The following C3orf33 variants were observed in gnomAD, a reference collection of about 807,000 sequenced individuals.
C3orf33 encodes mitochondrial inner membrane subdomain organizer 1, also known as AP-1 activity suppressor.
Under a neutral mutation model 28.7 loss-of-function variants are expected in C3orf33, and 23 were observed. That is an observed-to-expected ratio of 0.80 (90% CI 0.58 to 1.13). The LOEUF (loss-of-function observed/expected upper bound fraction) is 1.13. Ranked by LOEUF, C3orf33 falls within the 50% of genes most tolerant of loss-of-function variation. The pLI is 0.00. For missense variants in C3orf33, 327 were observed against 353.4 expected, an observed-to-expected ratio of 0.93 and a Z score of 0.60; for synonymous variants, 119 against 120.5, an observed-to-expected ratio of 0.99 and a Z score of 0.08.
At chr3:155,773,084 T>C (rs948291669) in intron 3 of C3orf33, among the ~76,000 whole-genome samples, 7 of 152,104 alleles carry the variant, frequency 4.6e-5, no homozygotes, top group Admixed American at 2.6e-4. Context: ...TCCTCAGAAA[T>C]AGAATAAACA....
chr3:155,788,596 T>TGCTCA (rs1379711143), intron 2 of C3orf33, among the ~76,000 whole-genome samples: 10 of 151,580 alleles, frequency 6.6e-5, no homozygotes, highest in African/African-American at 2.4e-4. Context: ...GCAGGAGAAT[T>TGCTCA]GCTTGAACCC....
chr3:155,805,812 C>T, intron 1 of C3orf33: 1 of 492,640 alleles, frequency 2.0e-6, no homozygotes, highest in Non-Finnish European at 3.8e-6. Flanking sequence ...GGTCTCCTCT[C>T]TGGGCCCTCC....
intron 2 of C3orf33, among the ~76,000 whole-genome samples, chr3:155,801,998 C>T (rs1751664243): frequency 6.6e-6 from 1 of 152,092 alleles, no homozygotes; most frequent in Non-Finnish European, 1.5e-5. Context: ...GTGATCCACT[C>T]GCCTCAGCCT....
At chr3:155,779,989 G>A (rs886962484) in intron 2 of C3orf33, among the ~76,000 whole-genome samples, 2 of 152,184 alleles carry the variant, frequency 1.3e-5, no homozygotes, top group Admixed American at 1.3e-4. Context: ...TCAAAGCTGT[G>A]CTTCTGTAAC....
intron 2 of C3orf33, among the ~76,000 whole-genome samples, chr3:155,780,734 T>G (rs1165397594): frequency 6.6e-6 from 1 of 152,066 alleles, no homozygotes; most frequent in Non-Finnish European, 1.5e-5. Context: ...CCTGCATCCT[T>G]TCCAGGTAGA....
intron 3 of C3orf33, among the ~76,000 whole-genome samples, chr3:155,770,188 C>T (rs1750538147): frequency 6.6e-6 from 1 of 152,166 alleles, no homozygotes; most frequent in Non-Finnish European, 1.5e-5. Context: ...TTGCCTTGCT[C>T]ACCCACCAGT....
chr3:155,776,774 A>G (rs866690403), intron 2 of C3orf33, among the ~76,000 whole-genome samples: 1 of 122,384 alleles, frequency 8.2e-6, no homozygotes, highest in Non-Finnish European at 1.7e-5. Flanking sequence ...AAAAAAAAAA[A>G]AAAAAAAAAA....
rs538072356 is a variant in C3orf33, at chr3:155,787,962, C to T, written c.175-12114G>A. The stretch of plus-strand genomic sequence containing the variant: ...ATCCCAGCACTTTGGGAGGCCGAGG[C>T]GGGCGGATCATGAGGTCAGCAGATC... On this transcript the variant is annotated intron_variant, in intron 2 of 4. Transcript: ENST00000340171. Among the ~76,000 whole-genome samples the T allele has an allele frequency of 1.7e-4, 26 of 151,970 alleles. No individual in the cohort carries two copies. The East Asian group carries it at 2.9e-3, about 17-fold the overall frequency.
chr3:155,763,764 TCTC>T lies in C3orf33; in HGVS notation c.635_637del (p.Gly212del), dbSNP rs749859513. On this transcript the variant is annotated inframe_deletion, in exon 5 of 5. Coordinates refer to ENST00000340171, the MANE Select transcript of C3orf33 (RefSeq NM_001308229.2). ...TTCAGAGTCTTCCTTCCATATTCCT[TCTC>T]CTTTTTTTAAGGCTGTTAATTCAGC... 3 of 1,606,114 alleles carry T rather than the reference TCTC, an allele frequency of 1.9e-6. No homozygotes were observed. The highest frequency in any genetic ancestry group is 1.3e-5 in the African/African-American group (1 of 74,546).
rs571937562 is a variant in C3orf33 at position 155,763,694 on chromosome 3, T to C, written c.708A>G (p.Ile236Met). The part of the protein sequence containing the change: ...LEKFKDSWRE[I>M]WKKDSFLKTT... ...TTTTTAAAAAACTGTCCTTTTTCCA[T>C]ATTTCTCTCCAGGAATCTTTGAATT... Residue 236 changes from isoleucine to methionine, a missense_variant, in exon 5 of 5, where the codon ATA (isoleucine) becomes ATG (methionine). Ile to Met is a conservative substitution (Grantham distance 10). Transcript: ENST00000340171. 2.8e-5 allele frequency: 45 copies of C among 1,595,326 alleles called. No individual in the cohort carries two copies. The highest frequency in any genetic ancestry group is 3.7e-5 in the Non-Finnish European group (44 of 1,175,546).
At chr3:155,770,932 C>G (rs1750561446) in intron 3 of C3orf33, among the ~76,000 whole-genome samples, 1 of 147,540 alleles carries the variant, frequency 6.8e-6, no homozygotes, top group Admixed American at 6.8e-5. Context: ...CCTCGGTCTC[C>G]CAAAGTGCTG....
At chr3:155,787,225 G>GTC (rs1751147505) in intron 2 of C3orf33, among the ~76,000 whole-genome samples, 1 of 152,106 alleles carries the variant, frequency 6.6e-6, no homozygotes, top group South Asian at 2.1e-4. Context: ...TTGAAACAGG[G>GTC]TCTCACTCTG....
At chr3:155,793,987 T>C (rs1751404229) in intron 2 of C3orf33, among the ~76,000 whole-genome samples, 1 of 123,266 alleles carries the variant, frequency 8.1e-6, no homozygotes, top group African/African-American at 2.6e-5. Context: ...TGTTTTGTTT[T>C]TTTGTTTTTT....
At chr3:155,798,936 A>G (rs937148898) in intron 2 of C3orf33, among the ~76,000 whole-genome samples, 5 of 152,218 alleles carry the variant, frequency 3.3e-5, no homozygotes, top group African/African-American at 1.2e-4. Flanking sequence ...AAAAAAATCT[A>G]ACGATCTCAT....
At chr3:155,779,495 A>T (rs1750853193) in intron 2 of C3orf33, among the ~76,000 whole-genome samples, 1 of 152,164 alleles carries the variant, frequency 6.6e-6, no homozygotes, top group Non-Finnish European at 1.5e-5. Context: ...AGGTTTCGCC[A>T]TGTTGGCCAG....
chr3:155,793,210 CA>C (rs35293225), intron 2 of C3orf33, among the ~76,000 whole-genome samples: 16 of 138,038 alleles, frequency 1.2e-4, no homozygotes, highest in South Asian at 2.4e-4. Context: ...ATATATGTGG[CA>C]AAAAAAAAAA....
intron 3 of C3orf33, among the ~76,000 whole-genome samples, chr3:155,772,332 G>A (rs1296367944): frequency 6.6e-6 from 1 of 152,152 alleles, no homozygotes; most frequent in Non-Finnish European, 1.5e-5. Context: ...ACAGACATGA[G>A]ATGAAAACTG....
chr3:155,765,426 T>C (rs1750373287), intron 4 of C3orf33, among the ~76,000 whole-genome samples: 1 of 152,278 alleles, frequency 6.6e-6, no homozygotes, highest in Non-Finnish European at 1.5e-5. Context: ...TTTATCATCG[T>C]CATAATCATC....
chr3:155,800,545 G>A (rs116484941), intron 2 of C3orf33, among the ~76,000 whole-genome samples: 1,625 of 133,818 alleles, frequency 0.012, 37 homozygotes, highest in African/African-American at 0.043. Flanking sequence ...AAGAGGTTGA[G>A]GCTGCAATGA....
Sources: gnomAD v4.1 joint callset for allele counts (sites outside exome capture counted in the v4.1 genomes callset) on GRCh38, gnomAD v4.1.1 for gene constraint, MANE v1.5 for transcripts, NCBI Gene and HGNC (gene_info 2026-07-23, HGNC 2026-07-21) for gene names.